The following RPH3AL variants were observed in gnomAD, a reference collection of about 807,000 sequenced individuals.
The protein encoded by RPH3AL is rabphilin 3A like (without C2 domains).
A neutral mutation model predicts 43.1 loss-of-function variants in RPH3AL; 38 were observed. The observed-to-expected ratio is 0.88, with a 90% CI of 0.68 to 1.15. The LOEUF is 1.15. Among genes scored for constraint, RPH3AL ranks in the 50% most tolerant of loss-of-function variants. RPH3AL has a pLI of 0.00. For missense variants in RPH3AL, 462 were observed against 423.2 expected (o/e 1.09, Z -0.81); for synonymous variants, 189 against 176.3 (o/e 1.07, Z -0.57).
chr17:280,713 T>A (rs780229756), intron 6 of RPH3AL, among the ~76,000 whole-genome samples: 1 of 152,126 alleles, frequency 6.6e-6, no homozygotes, highest in African/African-American at 2.4e-5. Flanking sequence ...TGGAAGGCAG[T>A]ACTGAAGAAT....
At chr17:329,026 C>T (rs1159332857) in intron 2 of RPH3AL, among the ~76,000 whole-genome samples, 3 of 152,024 alleles carry the variant, frequency 2.0e-5, no homozygotes, top group South Asian at 4.2e-4. Context: ...TTTTTGGGGT[C>T]GTAAAAATGT....
At chr17:278,598 C>A (rs7223270) in intron 6 of RPH3AL, among the ~76,000 whole-genome samples, 25 of 151,928 alleles carry the variant, frequency 1.6e-4, no homozygotes, top group Admixed American at 1.1e-3. Flanking sequence ...GTCATTTTGT[C>A]GGTGGGCCCC....
chr17:307,279 T>C (rs75495719), intron 5 of RPH3AL, among the ~76,000 whole-genome samples: 3 of 11,430 alleles, frequency 2.6e-4, no homozygotes, highest in Non-Finnish European at 3.5e-4. Flanking sequence ...GGCAGGTCCA[T>C]CCCGCGGCAG....
chr17:327,393 A>C (rs2044643611), intron 3 of RPH3AL, 74 bp downstream of exon 3: 2 of 1,328,796 alleles, frequency 1.5e-6, no homozygotes, highest in South Asian at 1.2e-5. Flanking sequence ...CCTGGGAATG[A>C]ATCTTGCTGA....
In RPH3AL at chr17:328,288, T is replaced by C. The variant is rs1483406799; in HGVS notation, c.-36-709A>G. Among the ~76,000 whole-genome samples the C allele has an allele frequency of 1.3e-5, 2 of 151,464 alleles. No homozygotes were observed. Among genetic ancestry groups the C allele is most frequent in the Non-Finnish European group, 2.9e-5 (2 of 67,914 alleles). On this transcript the variant is annotated intron_variant, in intron 2 of 9. Coordinates refer to ENST00000331302, the MANE Select transcript of RPH3AL (RefSeq NM_006987.4). This position sits in a 1 kb window ranked among gnomAD's most constrained non-coding sequence, Gnocchi z 4.2. ...TTTCTCCCTGCCTCCCAGGACAGGA[T>C]TGTCTTTGGTGGTCTGAGGATGCCA...
intron 5 of RPH3AL, among the ~76,000 whole-genome samples, chr17:316,784 A>G (rs1409475211): frequency 1.1e-4 from 10 of 94,984 alleles, no homozygotes; most frequent in African/African-American, 6.3e-4. Flanking sequence ...CTGTGCCCCC[A>G]CCTCCATTGA....
intron 1 of RPH3AL, among the ~76,000 whole-genome samples, chr17:346,533 C>G (rs2045240043): frequency 7.5e-6 from 1 of 133,700 alleles, no homozygotes; most frequent in African/African-American, 2.6e-5. Flanking sequence ...CTTATTCACT[C>G]TCATGAGAAC....
At chr17:307,643 C>T (rs2043535696) in intron 5 of RPH3AL, among the ~76,000 whole-genome samples, 1 of 152,186 alleles carries the variant, frequency 6.6e-6, no homozygotes, top group Non-Finnish European at 1.5e-5. Context: ...AAGCTCCGTC[C>T]AGAAAGCTCT....
At chr17:318,603 A>G (rs574839863) in intron 5 of RPH3AL, among the ~76,000 whole-genome samples, 4 of 152,226 alleles carry the variant, frequency 2.6e-5, no homozygotes, top group Middle Eastern at 3.4e-3. Context: ...GAAAAAAAAA[A>G]TAGCCTCCAT....
chr17:350,754 A>C (rs2045338108), intron 1 of RPH3AL, among the ~76,000 whole-genome samples: 1 of 152,216 alleles, frequency 6.6e-6, no homozygotes, highest in African/African-American at 2.4e-5. Flanking sequence ...ATGGGAATTA[A>C]AAAAACTGTG....
intron 5 of RPH3AL, among the ~76,000 whole-genome samples, chr17:308,867 G>C (rs1208854201): frequency 6.6e-6 from 1 of 152,144 alleles, no homozygotes; most frequent in South Asian, 2.1e-4. Context: ...AACTGGATGG[G>C]GCCAGGACCC....
At chr17:226,445 C>A (rs561540481) in intron 7 of RPH3AL, among the ~76,000 whole-genome samples, 65 of 152,374 alleles carry the variant, frequency 4.3e-4, no homozygotes, top group Non-Finnish European at 7.2e-4. Flanking sequence ...GGATTTCAAG[C>A]TGGGGCTTAG....
chr17:304,649 C>A (rs988575120), intron 5 of RPH3AL, among the ~76,000 whole-genome samples: 2 of 152,014 alleles, frequency 1.3e-5, no homozygotes, highest in African/African-American at 2.4e-5. Context: ...AGGCCCGAAC[C>A]AGCCGGAGGC....
chr17:281,471 C>T (rs1192984705), intron 6 of RPH3AL, among the ~76,000 whole-genome samples: 1 of 152,092 alleles, frequency 6.6e-6, no homozygotes, highest in African/African-American at 2.4e-5. Flanking sequence ...CATGCTCTCA[C>T]ACTCACAGTG....
chr17:256,221 C>T (rs375337336), intron 6 of RPH3AL, among the ~76,000 whole-genome samples: 17 of 91,222 alleles, frequency 1.9e-4, no homozygotes, highest in Admixed American at 4.0e-4. Flanking sequence ...TCCCTAGGAA[C>T]GTGACTACCC....
chr17:315,010 G>T (rs1256000902), intron 5 of RPH3AL, among the ~76,000 whole-genome samples: 7 of 146,242 alleles, frequency 4.8e-5, no homozygotes, highest in Admixed American at 4.7e-4. Context: ...TGTAGTCTCT[G>T]TGCTCCACCT....
At chr17:327,943 G>T (rs1189230698) in intron 2 of RPH3AL, among the ~76,000 whole-genome samples, 2 of 152,172 alleles carry the variant, frequency 1.3e-5, no homozygotes, top group African/African-American at 4.8e-5. Flanking sequence ...TACAGCAGGG[G>T]CCGAACTGAG....
intron 1 of RPH3AL, among the ~76,000 whole-genome samples, chr17:352,292 C>T (rs908328262): frequency 6.6e-6 from 1 of 152,200 alleles, no homozygotes; most frequent in Non-Finnish European, 1.5e-5. Context: ...CCATTCTCTG[C>T]CTGACCCCAG....
At chr17:321,694 A>G (rs556253030) in intron 3 of RPH3AL, 256 of 403,966 alleles carry the variant, frequency 6.3e-4, no homozygotes, top group Middle Eastern at 1.9e-3. Flanking sequence ...TGTGCCGGGG[A>G]CAAGGCACAT....
Sources: allele counts gnomAD v4.1 joint callset (sites outside exome capture counted in the v4.1 genomes callset), GRCh38; gene constraint gnomAD v4.1.1; non-coding constraint Gnocchi (gnomAD v3.1); transcripts MANE v1.5; gene names NCBI Gene and HGNC (gene_info 2026-07-23, HGNC 2026-07-21).